Variants in GADL1 observed in about 807,000 individuals in gnomAD.
GADL1 encodes acidic amino acid decarboxylase GADL1.
Under a neutral mutation model 69.5 loss-of-function variants are expected in GADL1, and 71 were observed. The observed-to-expected ratio is 1.02, with a 90% CI of 0.84 to 1.25. The LOEUF (loss-of-function observed/expected upper bound fraction) is 1.25. Among genes scored for constraint, GADL1 ranks in the 50% most tolerant of loss-of-function variants. The pLI is 0.00. For synonymous variants in GADL1, 254 were observed against 214.4 expected (o/e 1.18, Z -1.62); for missense variants, 737 against 631.8 (o/e 1.17, Z -1.79).
At chr3:30,867,335 C>A (rs955207181) in intron 1 of GADL1, among the ~76,000 whole-genome samples, 5 of 147,668 alleles carry the variant, frequency 3.4e-5, no homozygotes, top group Non-Finnish European at 7.5e-5. Context: ...GTTGTCTAGC[C>A]CCTCTCTCTA....
chr3:30,753,498 A>T (rs574723919), intron 14 of GADL1, among the ~76,000 whole-genome samples: 1 of 125,212 alleles, frequency 8.0e-6, no homozygotes, highest in Non-Finnish European at 1.7e-5. Flanking sequence ...AAATTTAAGG[A>T]AGGATAGTTT....
chr3:30,752,220 T>C (rs1404416599), intron 14 of GADL1, among the ~76,000 whole-genome samples: 1 of 152,152 alleles, frequency 6.6e-6, no homozygotes, highest in Non-Finnish European at 1.5e-5. Context: ...TTCGACAGCT[T>C]TTCCTTTTAA....
chr3:30,795,933 T>C (rs1158846438), intron 12 of GADL1, among the ~76,000 whole-genome samples: 7 of 152,204 alleles, frequency 4.6e-5, no homozygotes, highest in Admixed American at 6.5e-5. Context: ...GGTCACAGTC[T>C]GCAGCAATGC....
chr3:30,829,460 G>C (rs80338139), intron 11 of GADL1, among the ~76,000 whole-genome samples: 2,232 of 151,948 alleles, frequency 0.015, 50 homozygotes, highest in African/African-American at 0.051. Flanking sequence ...TTTTAAACTA[G>C]AGTTATCCTT....
chr3:30,877,524 C>G (rs1486712931), intron 1 of GADL1, among the ~76,000 whole-genome samples: 3 of 151,860 alleles, frequency 2.0e-5, no homozygotes, highest in African/African-American at 7.2e-5. Flanking sequence ...AGTGTCATGA[C>G]AGAATATACC....
chr3:30,860,013 A>G (rs186966216), intron 2 of GADL1, among the ~76,000 whole-genome samples: 362 of 151,948 alleles, frequency 2.4e-3, no homozygotes, highest in Admixed American at 3.0e-3. Context: ...TGCTGTGTTA[A>G]GTACATCTTG....
chr3:30,762,826 G>T (rs1282295726), intron 14 of GADL1, among the ~76,000 whole-genome samples: 1 of 143,756 alleles, frequency 7.0e-6, no homozygotes, highest in Non-Finnish European at 1.5e-5. Flanking sequence ...ACAGATAACT[G>T]AAAACATGTG....
intron 14 of GADL1, among the ~76,000 whole-genome samples, chr3:30,741,989 G>C (rs1213809314): frequency 6.6e-6 from 1 of 152,164 alleles, no homozygotes; most frequent in Non-Finnish European, 1.5e-5. Context: ...CAGGCCACAT[G>C]GAGAGGCTTT....
chr3:30,752,593 CTCTG>C (rs1432932658), intron 14 of GADL1, among the ~76,000 whole-genome samples: 1 of 152,066 alleles, frequency 6.6e-6, no homozygotes, highest in East Asian at 1.9e-4. Flanking sequence ...GAGTGTTTTT[CTCTG>C]TCCTTTCTCT....
rs539218836 is a variant in GADL1, at chr3:30,750,645, A to G, written c.1393-22230T>C. On this transcript the variant is annotated intron_variant, in intron 14 of 14. Coordinates refer to ENST00000282538, the MANE Select transcript of GADL1 (RefSeq NM_207359.3). ...CTATCCCTTCTCTCCTCTTGCAGCCACTTTTTTTTTTTAACACAATTGCTA... is the reference window on the plus strand; with the variant it reads ...CTATCCCTTCTCTCCTCTTGCAGCCGCTTTTTTTTTTTAACACAATTGCTA... Among the ~76,000 whole-genome samples, 8 of 55,088 alleles carry G rather than the reference A, an allele frequency of 1.5e-4. No homozygotes were observed. The East Asian group carries it at 3.9e-3, about 27-fold the overall frequency. The allele number at this position is 55,088 out of a possible 152,430, so 36.1% of individuals were successfully genotyped here. A position where few individuals can be genotyped will look rare whatever the true frequency, so the allele number is the denominator to read the frequency against.
At chr3:30,841,186 A>G (rs1252450848) in intron 8 of GADL1, among the ~76,000 whole-genome samples, 5 of 152,214 alleles carry the variant, frequency 3.3e-5, no homozygotes, top group Admixed American at 6.5e-5. Context: ...ATCATGTATT[A>G]TTATCTCAGA....
intron 14 of GADL1, among the ~76,000 whole-genome samples, chr3:30,752,205 G>A (rs942404533): frequency 1.3e-5 from 2 of 152,164 alleles, no homozygotes; most frequent in Admixed American, 1.3e-4. Context: ...GGTAACTTTA[G>A]GGTTTTCGAC....
At chr3:30,849,906 G>T in intron 6 of GADL1, 90 bp downstream of exon 6, 1 of 763,816 alleles carries the variant, frequency 1.3e-6, no homozygotes, top group Non-Finnish European at 2.3e-6. Context: ...CATGGGTATA[G>T]GACAAAATCA....
At chr3:30,738,917 T>A (rs2125471889) in intron 14 of GADL1, among the ~76,000 whole-genome samples, 1 of 152,268 alleles carries the variant, frequency 6.6e-6, no homozygotes, top group East Asian at 1.9e-4. Flanking sequence ...TCTCTGAGAA[T>A]TCTATTACTT....
intron 11 of GADL1, among the ~76,000 whole-genome samples, chr3:30,832,406 A>G (rs1468606119): frequency 6.6e-6 from 1 of 152,008 alleles, no homozygotes; most frequent in Non-Finnish European, 1.5e-5. Flanking sequence ...TCAAGTACAG[A>G]AATGTAATTC....
chr3:30,834,296 AC>A lies in GADL1; in HGVS notation c.904-16del. 6.2e-7 allele frequency: 1 copy of A among 1,606,512 alleles called. No individual in the cohort carries two copies. Among genetic ancestry groups the A allele is most frequent in the Non-Finnish European group, 8.5e-7 (1 of 1,173,618 alleles). The stretch of plus-strand genomic sequence containing the variant: ...CCCCAAGAAGCCTGTTGAGATATTT[AC>A]AGTACCAGAACAATGTTATTTCAAT... On this transcript the variant is annotated splice_polypyrimidine_tract_variant and intron_variant, in intron 9 of 14. Coordinates refer to ENST00000282538, the MANE Select transcript of GADL1 (RefSeq NM_207359.3).
At chr3:30,838,268 A>C (rs1003916873) in intron 9 of GADL1, among the ~76,000 whole-genome samples, 1 of 152,156 alleles carries the variant, frequency 6.6e-6, no homozygotes, top group Admixed American at 6.5e-5. Flanking sequence ...AAAAAAGAAA[A>C]TTAAAAAGCT....
chr3:30,764,817 G>A (rs1696230842), intron 14 of GADL1, among the ~76,000 whole-genome samples: 1 of 152,124 alleles, frequency 6.6e-6, no homozygotes. Flanking sequence ...TTCGGAATTA[G>A]GCAAGTGATA....
intron 11 of GADL1, among the ~76,000 whole-genome samples, chr3:30,808,573 G>A (rs1697298155): frequency 6.6e-6 from 1 of 152,062 alleles, no homozygotes; most frequent in South Asian, 2.1e-4. Context: ...CAAAGCGTCT[G>A]TGTAAATGGG....
Sources: gnomAD v4.1 joint callset for allele counts (sites outside exome capture counted in the v4.1 genomes callset) on GRCh38, gnomAD v4.1.1 for gene constraint, MANE v1.5 for transcripts, NCBI Gene and HGNC (gene_info 2026-07-23, HGNC 2026-07-21) for gene names.